Variants in DEPDC1B observed in about 807,000 individuals in gnomAD.
DEPDC1B encodes DEP domain-containing protein 1B.
In DEPDC1B, 51 loss-of-function variants were observed where a neutral mutation model predicts 66.5. The ratio of observed to expected loss-of-function variants is 0.77; its 90% CI spans 0.61 to 0.97. The LOEUF (loss-of-function observed/expected upper bound fraction) is 0.97, where lower values mean the gene tolerates loss of function less well. Ranked by LOEUF, DEPDC1B falls within the 50% of genes least tolerant of loss-of-function variation. The probability of loss-of-function intolerance (pLI) is 0.00; values close to 1 mark genes in which losing one functional copy is unlikely to be tolerated. For synonymous variants in DEPDC1B, 226 were observed against 223.6 expected (o/e 1.01, Z -0.10); for missense variants, 552 against 637.1 (o/e 0.87, Z 1.44).
chr5:60,620,903 G>GAA (rs1276235552), intron 7 of DEPDC1B, among the ~76,000 whole-genome samples: 12 of 152,248 alleles, frequency 7.9e-5, no homozygotes, highest in African/African-American at 2.9e-4. Context: ...ATGTCCATCA[G>GAA]TGATAGACTG....
chr5:60,660,330 G>C (rs60828428), intron 2 of DEPDC1B, among the ~76,000 whole-genome samples: 4 of 114,516 alleles, frequency 3.5e-5, no homozygotes, highest in Non-Finnish European at 6.1e-5. Flanking sequence ...GGGAGAGAGA[G>C]AGAGAGAGAA....
At chr5:60,676,226 G>A (rs1390267776) in intron 2 of DEPDC1B, among the ~76,000 whole-genome samples, 1 of 127,346 alleles carries the variant, frequency 7.9e-6, no homozygotes, top group African/African-American at 2.6e-5. Flanking sequence ...CACTGTGCCC[G>A]GCCTTTTTTT....
intron 2 of DEPDC1B, among the ~76,000 whole-genome samples, chr5:60,661,040 CA>C (rs1044980341): frequency 6.6e-6 from 1 of 151,824 alleles, no homozygotes; most frequent in East Asian, 1.9e-4. Context: ...GGAATAAAAA[CA>C]AAAAAAACTC....
chr5:60,621,919 C>A (rs938049076), intron 7 of DEPDC1B, among the ~76,000 whole-genome samples: 3 of 151,894 alleles, frequency 2.0e-5, no homozygotes. Flanking sequence ...CTGATTTTCA[C>A]AAATAGTGCT....
At position 60,638,796 on chromosome 5, in the gene DEPDC1B, C is replaced by A; in HGVS notation, c.852G>T (p.Glu284Asp). 6.2e-7 allele frequency: 1 copy of A among 1,612,424 alleles called. No homozygotes were observed. The highest frequency in any genetic ancestry group is 8.5e-7 in the Non-Finnish European group (1 of 1,179,298). Residue 284 changes from glutamate to aspartate, a missense_variant, in exon 7 of 11, where the codon GAG becomes GAT. Transcript: ENST00000265036. Reference protein sequence around the residue: ...TIADYYGHLKEPLLTFHLFDA... With the variant: ...TIADYYGHLKDPLLTFHLFDA... ...CAAAAAGATGAAATGTAAGTAGAGGCTCTTTCAAGTGACCATAGTAATCAG... is the reference window on the plus strand; with the variant it reads ...CAAAAAGATGAAATGTAAGTAGAGGATCTTTCAAGTGACCATAGTAATCAG...
At chr5:60,663,549 C>T (rs917750370) in intron 2 of DEPDC1B, among the ~76,000 whole-genome samples, 6 of 152,172 alleles carry the variant, frequency 3.9e-5, no homozygotes, top group African/African-American at 9.7e-5. Context: ...TCTGCATCCC[C>T]GTACATTCTG....
intron 7 of DEPDC1B, among the ~76,000 whole-genome samples, chr5:60,625,250 G>T (rs1315000208): frequency 6.6e-6 from 1 of 152,034 alleles, no homozygotes; most frequent in African/African-American, 2.4e-5. Context: ...TAATCCTCTG[G>T]TTATATACCC....
intron 7 of DEPDC1B, among the ~76,000 whole-genome samples, chr5:60,634,204 G>A (rs992806879): frequency 6.6e-6 from 1 of 152,192 alleles, no homozygotes; most frequent in Admixed American, 6.5e-5. Flanking sequence ...GGAGGAAACA[G>A]AAGCACTGGC....
intron 9 of DEPDC1B, among the ~76,000 whole-genome samples, chr5:60,602,220 G>A (rs1328601620): frequency 1.3e-5 from 2 of 151,786 alleles, no homozygotes; most frequent in East Asian, 3.9e-4. Flanking sequence ...AGTAAGGTAG[G>A]CATGGACATA....
chr5:60,692,945 T>C (rs1472767591), intron 1 of DEPDC1B, among the ~76,000 whole-genome samples: 1 of 151,946 alleles, frequency 6.6e-6, no homozygotes, highest in East Asian at 1.9e-4. Flanking sequence ...GGCCAAACGA[T>C]CCATGATATT....
intron 2 of DEPDC1B, among the ~76,000 whole-genome samples, chr5:60,685,807 C>T (rs752865523): frequency 6.6e-5 from 10 of 152,144 alleles, no homozygotes; most frequent in Non-Finnish European, 1.2e-4. Flanking sequence ...GCTAAAATTT[C>T]CACTGCCTGA....
intron 8 of DEPDC1B, among the ~76,000 whole-genome samples, chr5:60,604,002 G>A (rs1020939258): frequency 1.3e-5 from 2 of 151,294 alleles, no homozygotes; most frequent in Non-Finnish European, 2.9e-5. Flanking sequence ...GTTTTAAACC[G>A]CTAACACAGT....
intron 7 of DEPDC1B, among the ~76,000 whole-genome samples, chr5:60,617,994 C>G (rs987581313): frequency 1.3e-5 from 2 of 152,208 alleles, no homozygotes; most frequent in Non-Finnish European, 2.9e-5. Flanking sequence ...TCACTCAAAA[C>G]CGCTCGACTA....
chr5:60,698,271 C>T (rs1379111), intron 1 of DEPDC1B, among the ~76,000 whole-genome samples: 10,914 of 152,308 alleles, frequency 0.072, 662 homozygotes, highest in East Asian at 0.2. Context: ...CCACATGCAC[C>T]TCTGTGGCTT....
intron 1 of DEPDC1B, among the ~76,000 whole-genome samples, chr5:60,688,544 C>T (rs1754475029): frequency 6.6e-6 from 1 of 152,188 alleles, no homozygotes; most frequent in African/African-American, 2.4e-5. Context: ...ATCACAGTGT[C>T]TGTCACGAAA....
intron 7 of DEPDC1B, among the ~76,000 whole-genome samples, chr5:60,633,667 A>C (rs1280012479): frequency 8.5e-5 from 13 of 152,124 alleles, no homozygotes; most frequent in Admixed American, 8.5e-4. Flanking sequence ...AGGCTAAATC[A>C]CCAGCCTGTA....
chr5:60,672,632 C>T (rs1295790961), intron 2 of DEPDC1B, among the ~76,000 whole-genome samples: 1 of 152,136 alleles, frequency 6.6e-6, no homozygotes, highest in Non-Finnish European at 1.5e-5. Flanking sequence ...GACACAGAGG[C>T]AAATCATGTC....
chr5:60,692,570 G>C (rs1754571392), intron 1 of DEPDC1B, among the ~76,000 whole-genome samples: 1 of 152,162 alleles, frequency 6.6e-6, no homozygotes, highest in Non-Finnish European at 1.5e-5. Flanking sequence ...ATACACTGCT[G>C]TAAGGAATGT....
intron 2 of DEPDC1B, among the ~76,000 whole-genome samples, chr5:60,681,397 T>C (rs1754292494): frequency 6.6e-6 from 1 of 152,204 alleles, no homozygotes; most frequent in Non-Finnish European, 1.5e-5. Context: ...ACCACTGGCA[T>C]TGATTACAGC....
Sources: allele counts gnomAD v4.1 joint callset (sites outside exome capture counted in the v4.1 genomes callset), GRCh38; gene constraint gnomAD v4.1.1; transcripts MANE v1.5; gene names NCBI Gene and HGNC (gene_info 2026-07-23, HGNC 2026-07-21).